Variants in ADARB2 observed in about 807,000 individuals in gnomAD.
ADARB2 encodes the protein inactive double-stranded RNA-specific editase B2.
In ADARB2, 25 loss-of-function variants were observed where a neutral mutation model predicts 62.2. The observed-to-expected ratio is 0.40, with a 90% CI of 0.29 to 0.56. The LOEUF (loss-of-function observed/expected upper bound fraction) is 0.56. ADARB2 is among the 20% of genes least tolerant of loss of function. The pLI, the probability that ADARB2 is intolerant of heterozygous loss-of-function variation, is 0.43. For synonymous variants in ADARB2, 572 were observed against 500.8 expected (o/e 1.14, Z -1.90); for missense variants, 1,071 against 1,077.4 (o/e 0.99, Z 0.08).
intron 1 of ADARB2, among the ~76,000 whole-genome samples, chr10:1,453,684 G>C (rs1442255136): frequency 6.6e-6 from 1 of 152,060 alleles, no homozygotes; most frequent in Non-Finnish European, 1.5e-5. Context: ...TTAAAAAATA[G>C]GCACAAGACT....
At chr10:1,226,850 C>T (rs915450798) in intron 6 of ADARB2, among the ~76,000 whole-genome samples, 1 of 75,036 alleles carries the variant, frequency 1.3e-5, no homozygotes, top group African/African-American at 6.5e-5. Context: ...TTAGGCTACT[C>T]GGGGGTCAGG....
intron 1 of ADARB2, among the ~76,000 whole-genome samples, chr10:1,495,865 C>A (rs1831682366): frequency 1.3e-5 from 2 of 151,958 alleles, no homozygotes; most frequent in South Asian, 2.1e-4. Context: ...TCATCTTCAT[C>A]ACCATCATTA....
intron 1 of ADARB2, among the ~76,000 whole-genome samples, chr10:1,629,647 G>C (rs1371332000): frequency 1.3e-5 from 2 of 150,244 alleles, no homozygotes; most frequent in East Asian, 4.0e-4. Flanking sequence ...GGCACCTGCA[G>C]ATCCTGCAAG....
intron 1 of ADARB2, among the ~76,000 whole-genome samples, chr10:1,383,239 T>G (rs1832499420): frequency 6.6e-6 from 1 of 152,202 alleles, no homozygotes. Context: ...GAGGTTATTG[T>G]CGGTTTTTCA....
At chr10:1,294,977 G>C (rs1831511073) in intron 3 of ADARB2, among the ~76,000 whole-genome samples, 1 of 152,234 alleles carries the variant, frequency 6.6e-6, no homozygotes, top group African/African-American at 2.4e-5. Flanking sequence ...TCTGTGTGCA[G>C]CTGGAGTGCG....
In ADARB2 at chr10:1,243,987, C is replaced by T. The variant is rs555475094; in HGVS notation, c.1193-1688G>A. On this transcript the variant is annotated intron_variant, in intron 4 of 9. Transcript: ENST00000381312. ...TTAATCAGAACAGGACACGACCAGC[C>T]GCCCTGAGGTTCCTCCCCCAGGAAA... 1.3e-4 allele frequency among the ~76,000 whole-genome samples: 20 copies of T among 152,350 alleles called. No homozygotes were observed. The East Asian group carries it at 1.3e-3, about 10-fold the overall frequency.
Position 1,637,586 on chromosome 10 carries a change from A to G in ADARB2, c.100+99465T>C, listed in dbSNP as rs188611449. Among the ~76,000 whole-genome samples the G allele has an allele frequency of 1.9e-3, 285 of 152,322 alleles. 1 individual carries two copies. The highest frequency in any genetic ancestry group is 6.6e-3 in the African/African-American group (275 of 41,574). On this transcript the variant is annotated intron_variant, in intron 1 of 9. Transcript: ENST00000381312. Reference sequence around the variant, plus strand: ...CCTTGATCCTAAGAAGTTACAATCCATGGCAACATGTAGGGAAAGTATTGT... The same window carrying G: ...CCTTGATCCTAAGAAGTTACAATCCGTGGCAACATGTAGGGAAAGTATTGT...
At chr10:1,723,273 G>A (rs1351332661) in intron 1 of ADARB2, among the ~76,000 whole-genome samples, 1 of 152,224 alleles carries the variant, frequency 6.6e-6, no homozygotes, top group African/African-American at 2.4e-5. Context: ...ACATTGCCCA[G>A]AGAACATCTG....
intron 1 of ADARB2, among the ~76,000 whole-genome samples, chr10:1,634,259 C>T (rs1253724697): frequency 6.6e-6 from 1 of 152,210 alleles, no homozygotes; most frequent in East Asian, 1.9e-4. Flanking sequence ...GAACACTGGA[C>T]ATGGGCATTT....
At chr10:1,720,894 T>C (rs1256200990) in intron 1 of ADARB2, among the ~76,000 whole-genome samples, 1 of 152,222 alleles carries the variant, frequency 6.6e-6, no homozygotes, top group Admixed American at 6.5e-5. Flanking sequence ...CTCGCTGCAG[T>C]GCTTCTGTCT....
intron 1 of ADARB2, among the ~76,000 whole-genome samples, chr10:1,728,597 G>C (rs1166376939): frequency 6.6e-6 from 1 of 152,084 alleles, no homozygotes; most frequent in Non-Finnish European, 1.5e-5. Context: ...ACATACAAGA[G>C]CCCCTGTCAT....
intron 1 of ADARB2, among the ~76,000 whole-genome samples, chr10:1,544,940 CT>C (rs1832495802): frequency 7.6e-6 from 1 of 132,384 alleles, no homozygotes; most frequent in Non-Finnish European, 1.7e-5. Flanking sequence ...TATGTGAAGT[CT>C]ATAATAGCAA....
intron 1 of ADARB2, among the ~76,000 whole-genome samples, chr10:1,501,245 G>A (rs1002819596): frequency 6.6e-6 from 1 of 152,196 alleles, no homozygotes; most frequent in Non-Finnish European, 1.5e-5. Flanking sequence ...GTAAAAGGGG[G>A]AGTTTAACTT....
intron 1 of ADARB2, among the ~76,000 whole-genome samples, chr10:1,386,439 A>T (rs954486275): frequency 6.6e-6 from 1 of 152,010 alleles, no homozygotes; most frequent in Non-Finnish European, 1.5e-5. Context: ...TCAAGTATAA[A>T]AATATAGACA....
intron 1 of ADARB2, among the ~76,000 whole-genome samples, chr10:1,518,177 C>G (rs913356941): frequency 5.9e-5 from 9 of 152,216 alleles, no homozygotes; most frequent in African/African-American, 2.2e-4. Flanking sequence ...CCGATCAGAT[C>G]AGAAGATACT....
At chr10:1,340,715 G>A (rs374700708) in intron 3 of ADARB2, among the ~76,000 whole-genome samples, 37 of 86,786 alleles carry the variant, frequency 4.3e-4, no homozygotes, top group African/African-American at 1.5e-3. Context: ...AGAGAACCAC[G>A]CGCCCCACAG....
rs1243771438 is a variant in ADARB2, at chr10:1,608,737, AAG to A, written c.100+128312_100+128313del. Reference sequence around the variant, plus strand: ...GAAGGAAAGAAAAAAGTAAGAAAGAAAGAGAAGAAAGAAGGAAGGAAGGAAAG... The same window carrying A: ...GAAGGAAAGAAAAAAGTAAGAAAGAAAGAAGAAAGAAGGAAGGAAGGAAAG... On this transcript the variant is annotated intron_variant, in intron 1 of 9. Coordinates refer to ENST00000381312, the MANE Select transcript of ADARB2 (RefSeq NM_018702.4). Among the ~76,000 whole-genome samples, 13 of 151,302 alleles carry A rather than the reference AAG, an allele frequency of 8.6e-5. No individual in the cohort carries two copies. The South Asian group carries it at 2.1e-3, about 25-fold the overall frequency.
At chr10:1,473,053 C>T (rs113271912) in intron 1 of ADARB2, among the ~76,000 whole-genome samples, 4 of 152,126 alleles carry the variant, frequency 2.6e-5, no homozygotes, top group East Asian at 3.9e-4. Flanking sequence ...CCACTCCAAG[C>T]GAAGAATCAT....
At chr10:1,728,292 A>G (rs550550943) in intron 1 of ADARB2, among the ~76,000 whole-genome samples, 1 of 152,348 alleles carries the variant, frequency 6.6e-6, no homozygotes, top group East Asian at 1.9e-4. Flanking sequence ...GTTTCTCTCC[A>G]TACTCTAAAA....
Sources: gnomAD v4.1 joint callset for allele counts (sites outside exome capture counted in the v4.1 genomes callset) on GRCh38, gnomAD v4.1.1 for gene constraint, MANE v1.5 for transcripts, NCBI Gene and HGNC (gene_info 2026-07-23, HGNC 2026-07-21) for gene names.